Variants in ELP4 observed in about 807,000 individuals in gnomAD.
ELP4 encodes elongator complex protein 4.
Under a neutral mutation model 48.9 loss-of-function variants are expected in ELP4, and 51 were observed. The ratio of observed to expected loss-of-function variants is 1.04; its 90% CI spans 0.83 to 1.32. ELP4 has a LOEUF of 1.32. Ranked by LOEUF, ELP4 falls within the 40% of genes most tolerant of loss-of-function variation. ELP4 has a pLI of 0.00. For synonymous variants in ELP4, 210 were observed against 189.2 expected (o/e 1.11, Z -0.90); for missense variants, 519 against 514.6 (o/e 1.01, Z -0.08).
chr11:31,781,354 C>G (rs1948370235), intron 9 of ELP4, among the ~76,000 whole-genome samples: 1 of 152,014 alleles, frequency 6.6e-6, no homozygotes, highest in Non-Finnish European at 1.5e-5. Context: ...AGATCTTAAA[C>G]ATTAAAACTC....
chr11:31,758,090 G>A (rs972428674), intron 9 of ELP4, among the ~76,000 whole-genome samples: 5 of 152,122 alleles, frequency 3.3e-5, no homozygotes, highest in Non-Finnish European at 7.4e-5. Context: ...TATACTTAAT[G>A]TCATTGGTGA....
chr11:31,722,566 G>A (rs59202421), intron 9 of ELP4, among the ~76,000 whole-genome samples: 1 of 152,114 alleles, frequency 6.6e-6, no homozygotes, highest in African/African-American at 2.4e-5. Flanking sequence ...TCAGGGCCCA[G>A]TGAAAATGAA....
At chr11:31,672,902 ATATTCTAAGTTTAAGTTGATGG>A (rs1194405840) in intron 9 of ELP4, among the ~76,000 whole-genome samples, 1 of 152,226 alleles carries the variant, frequency 6.6e-6, no homozygotes, top group Non-Finnish European at 1.5e-5. Flanking sequence ...TAAGTTGATG[ATATTCTAAGTTTAAGTTGATGG>A]TATTCTAAGT....
intron 4 of ELP4, among the ~76,000 whole-genome samples, chr11:31,601,606 G>A (rs1392517377): frequency 5.3e-5 from 8 of 152,000 alleles, no homozygotes; most frequent in Admixed American, 5.2e-4. Flanking sequence ...AATAGAGACG[G>A]CAACTTAAAA....
At chr11:31,744,503 A>C (rs1200702783) in intron 9 of ELP4, among the ~76,000 whole-genome samples, 1 of 152,224 alleles carries the variant, frequency 6.6e-6, no homozygotes, top group Non-Finnish European at 1.5e-5. Context: ...AAATACTGGC[A>C]AACTGAATCC....
At position 31,770,564 on chromosome 11, in the gene ELP4, C is replaced by CA. The variant is rs374184259; in HGVS notation, c.1144-12813dup. Among the ~76,000 whole-genome samples, 1,019 of 107,430 alleles carry CA rather than the reference C, an allele frequency of 9.5e-3. 4 individuals are homozygous for CA. The highest frequency in any genetic ancestry group is 0.043 in the South Asian group (135 of 3,156). 70.5% of individuals were successfully genotyped at this position (107,430 alleles called of 152,430 possible). A position where few individuals can be genotyped will look rare whatever the true frequency, so the allele number is the denominator to read the frequency against. On this transcript the variant is annotated intron_variant, in intron 9 of 9. Coordinates refer to ENST00000640961, the MANE Select transcript of ELP4 (RefSeq NM_019040.5). Reference sequence around the variant, plus strand: ...GGAGCATTAATGGGAATAAAATTTCCAAAAAAAAAAAAAAAATAGAAACTA... The same window carrying CA: ...GGAGCATTAATGGGAATAAAATTTCCAAAAAAAAAAAAAAAAATAGAAACTA...
chr11:31,567,122 G>A (rs1447686872), intron 3 of ELP4, among the ~76,000 whole-genome samples: 1 of 151,644 alleles, frequency 6.6e-6, no homozygotes, highest in Non-Finnish European at 1.5e-5. Context: ...TAGTAGAGAT[G>A]GGGTTTCTCC....
At chr11:31,743,991 C>G (rs1279065607) in intron 9 of ELP4, among the ~76,000 whole-genome samples, 2 of 152,056 alleles carry the variant, frequency 1.3e-5, no homozygotes, top group African/African-American at 4.8e-5. Context: ...TGGTAGACCA[C>G]TAGCAAGACC....
intron 1 of ELP4, among the ~76,000 whole-genome samples, chr11:31,519,491 T>C (rs1421740309): frequency 6.6e-6 from 1 of 152,202 alleles, no homozygotes; most frequent in African/African-American, 2.4e-5. Flanking sequence ...GGTTCTATCA[T>C]AGAAGAAAGG....
At chr11:31,770,159 T>C (rs1006895941) in intron 9 of ELP4, among the ~76,000 whole-genome samples, 4 of 152,140 alleles carry the variant, frequency 2.6e-5, no homozygotes, top group African/African-American at 4.8e-5. Flanking sequence ...CTCTGGAGCT[T>C]ATATGCTCCG....
intron 3 of ELP4, among the ~76,000 whole-genome samples, chr11:31,553,725 A>AAC (rs56921821): frequency 0.094 from 13,231 of 140,376 alleles, 808 homozygotes; most frequent in African/African-American, 0.17. Context: ...TGCACACACA[A>AAC]ACACACACAC....
chr11:31,588,802 G>A (rs1411237306), intron 3 of ELP4, among the ~76,000 whole-genome samples: 3 of 152,122 alleles, frequency 2.0e-5, no homozygotes, highest in African/African-American at 7.2e-5. Flanking sequence ...GGCCAACATG[G>A]TAAAATCCGA....
intron 3 of ELP4, among the ~76,000 whole-genome samples, chr11:31,540,903 A>G (rs1348170683): frequency 6.6e-6 from 1 of 152,202 alleles, no homozygotes; most frequent in South Asian, 2.1e-4. Context: ...ATGATAAAAT[A>G]TGTCATTGAT....
chr11:31,692,741 C>A (rs374492908), intron 9 of ELP4, among the ~76,000 whole-genome samples: 73 of 152,238 alleles, frequency 4.8e-4, no homozygotes, highest in Middle Eastern at 3.4e-3. Context: ...ATTGGAGCAA[C>A]AGCCCCAATG....
At chr11:31,545,094 A>C (rs1956675447) in intron 3 of ELP4, among the ~76,000 whole-genome samples, 1 of 152,232 alleles carries the variant, frequency 6.6e-6, no homozygotes, top group African/African-American at 2.4e-5. Context: ...CCTCCTCAAA[A>C]GGATTGCAGT....
intron 9 of ELP4, among the ~76,000 whole-genome samples, chr11:31,658,412 T>C (rs1479711444): frequency 6.6e-6 from 1 of 151,664 alleles, no homozygotes; most frequent in African/African-American, 2.4e-5. Flanking sequence ...GGTGATGATA[T>C]TCTGTTTTTT....
At chr11:31,671,276 T>C (rs1445587238) in intron 9 of ELP4, among the ~76,000 whole-genome samples, 2 of 152,188 alleles carry the variant, frequency 1.3e-5, no homozygotes, top group East Asian at 3.8e-4. Context: ...AAATTGTTAA[T>C]GTGTAGAGCA....
intron 5 of ELP4, among the ~76,000 whole-genome samples, chr11:31,624,519 T>C (rs1363850981): frequency 1.3e-5 from 2 of 151,350 alleles, no homozygotes; most frequent in Non-Finnish European, 3.0e-5. Flanking sequence ...GGTGAGTCAG[T>C]AAAGGGGTGG....
At chr11:31,721,938 G>A (rs755899525) in intron 9 of ELP4, among the ~76,000 whole-genome samples, 1 of 152,028 alleles carries the variant, frequency 6.6e-6, no homozygotes, top group Non-Finnish European at 1.5e-5. Context: ...CTCCCTGACC[G>A]ATGTTGTGGC....
Sources: allele counts gnomAD v4.1 joint callset (sites outside exome capture counted in the v4.1 genomes callset), GRCh38; gene constraint gnomAD v4.1.1; transcripts MANE v1.5; gene names NCBI Gene and HGNC (gene_info 2026-07-23, HGNC 2026-07-21).